The following OPCML variants were observed in gnomAD, a reference collection of about 807,000 sequenced individuals.
OPCML encodes opioid binding protein/cell adhesion molecule like.
A neutral mutation model predicts 37.8 loss-of-function variants in OPCML; 13 were observed. That is an observed-to-expected ratio of 0.34 (90% CI 0.22 to 0.55). OPCML has a LOEUF of 0.55. Among genes scored for constraint, OPCML ranks in the 20% least tolerant of loss-of-function variants. The pLI is 0.91. For synonymous variants in OPCML, 176 were observed against 168.8 expected, an observed-to-expected ratio of 1.04 and a Z score of -0.33; for missense variants, 341 against 435.6, an observed-to-expected ratio of 0.78 and a Z score of 1.93.
chr11:132,670,686 G>A (rs184161248), intron 2 of OPCML, among the ~76,000 whole-genome samples: 25 of 151,876 alleles, frequency 1.6e-4, no homozygotes, highest in African/African-American at 5.8e-4. Context: ...AATAATATTT[G>A]TAAAAAAAAC....
intron 1 of OPCML, among the ~76,000 whole-genome samples, chr11:133,349,936 A>G (rs560037634): frequency 6.6e-6 from 1 of 152,280 alleles, no homozygotes; most frequent in Non-Finnish European, 1.5e-5. Flanking sequence ...TCATTGAAAC[A>G]CTAGTGGACT....
intron 2 of OPCML, among the ~76,000 whole-genome samples, chr11:132,845,278 C>A (rs1049996142): frequency 5.3e-5 from 8 of 152,068 alleles, no homozygotes; most frequent in African/African-American, 1.9e-4. Context: ...GTAGAACAGC[C>A]CTGCATTGCC....
At chr11:132,949,134 C>T (rs1945805772) in intron 1 of OPCML, among the ~76,000 whole-genome samples, 1 of 152,184 alleles carries the variant, frequency 6.6e-6, no homozygotes, top group Non-Finnish European at 1.5e-5. Flanking sequence ...CAACTTGAAA[C>T]TGACAGGTAG....
In OPCML at chr11:133,274,925, G is replaced by A. The variant is rs569809606; in HGVS notation, c.61+257339C>T. 1.3e-3 allele frequency among the ~76,000 whole-genome samples: 199 copies of A among 152,298 alleles called. 1 individual carries two copies. Among genetic ancestry groups the A allele is most frequent in the African/African-American group, 4.5e-3 (189 of 41,562 alleles). ...CCGTTTCTCAGGAATCCCGGGTGTC[G>A]TTTATATTAATTTGCCTTTGGGACT... On this transcript the variant is annotated intron_variant, in intron 1 of 7. Transcript: ENST00000524381.
chr11:133,476,342 G>C (rs549735336), intron 1 of OPCML, among the ~76,000 whole-genome samples: 2 of 151,792 alleles, frequency 1.3e-5, no homozygotes, highest in South Asian at 4.2e-4. Flanking sequence ...TAAAGAGAGA[G>C]AAGAAACACC....
intron 1 of OPCML, among the ~76,000 whole-genome samples, chr11:132,951,971 A>G (rs1306958790): frequency 2.0e-5 from 3 of 152,250 alleles, no homozygotes; most frequent in Non-Finnish European, 2.9e-5. Flanking sequence ...CATTTATCTA[A>G]TAAAATTTGT....
In OPCML at chr11:133,248,919, C is replaced by T. The variant is rs150628602; in HGVS notation, c.61+283345G>A. On this transcript the variant is annotated intron_variant, in intron 1 of 7. Coordinates refer to ENST00000524381, the MANE Select transcript of OPCML (RefSeq NM_001012393.5). Reference sequence around the variant, plus strand: ...AATGTCTTTGGAATTCAGGAGAAATCGTGAGATTAAAGTGATCTGTGTCAT... The same window carrying T: ...AATGTCTTTGGAATTCAGGAGAAATTGTGAGATTAAAGTGATCTGTGTCAT... 1.1e-4 allele frequency among the ~76,000 whole-genome samples: 17 copies of T among 152,208 alleles called. No individual in the cohort carries two copies. The East Asian group carries it at 2.5e-3, about 23-fold the overall frequency.
At chr11:133,314,543 G>C (rs1943156427) in intron 1 of OPCML, among the ~76,000 whole-genome samples, 1 of 141,138 alleles carries the variant, frequency 7.1e-6, no homozygotes, top group Non-Finnish European at 1.5e-5. Flanking sequence ...TTTCCATGCT[G>C]CCTTCCATAA....
At chr11:132,688,956 CAAAAAAAAAAAAAAAA>C (rs749705629) in intron 2 of OPCML, among the ~76,000 whole-genome samples, 1 of 14,446 alleles carries the variant, frequency 6.9e-5, no homozygotes, top group African/African-American at 2.6e-4. Flanking sequence ...GACTCCGTCT[CAAAAAAAAAAAAAAAA>C]AAAAAAAAAA....
In OPCML at chr11:133,477,200, C is replaced by G. The variant is rs560315045; in HGVS notation, c.61+55064G>C. Among the ~76,000 whole-genome samples, 817 of 152,314 alleles carry G rather than the reference C, an allele frequency of 5.4e-3. 12 individuals carry two copies. Among genetic ancestry groups the G allele is most frequent in the African/African-American group, 0.019 (785 of 41,574 alleles). On this transcript the variant is annotated intron_variant, in intron 1 of 7. Coordinates refer to ENST00000524381, the MANE Select transcript of OPCML (RefSeq NM_001012393.5). ...TTTTCTGTTCGCCCTCTTCTGCCTT[C>G]AGCACACGAAGAGTAGCCATCGCTC...
At chr11:133,022,202 C>T (rs1029317515) in intron 1 of OPCML, among the ~76,000 whole-genome samples, 4 of 152,054 alleles carry the variant, frequency 2.6e-5, no homozygotes, top group African/African-American at 7.2e-5. Flanking sequence ...CAGAAGATGT[C>T]CAAATGATGA....
chr11:132,896,699 A>C (rs749455489), intron 2 of OPCML, among the ~76,000 whole-genome samples: 11 of 152,200 alleles, frequency 7.2e-5, no homozygotes, highest in Non-Finnish European at 1.6e-4. Context: ...ATAAGATTTC[A>C]TACTGTTCTA....
chr11:132,507,431 C>G (rs1254768071), intron 4 of OPCML, among the ~76,000 whole-genome samples: 1 of 151,774 alleles, frequency 6.6e-6, no homozygotes, highest in Non-Finnish European at 1.5e-5. Context: ...TAGGTATATT[C>G]AATTACATAT....
At chr11:133,353,019 C>T (rs1944176473) in intron 1 of OPCML, among the ~76,000 whole-genome samples, 1 of 152,156 alleles carries the variant, frequency 6.6e-6, no homozygotes, top group South Asian at 2.1e-4. Flanking sequence ...CAATAAATGT[C>T]GCAGTTATAG....
At chr11:133,075,360 C>A (rs923202486) in intron 1 of OPCML, among the ~76,000 whole-genome samples, 2 of 152,230 alleles carry the variant, frequency 1.3e-5, no homozygotes, top group South Asian at 4.1e-4. Flanking sequence ...TCAGAGGCTT[C>A]TCCTCAATGA....
intron 2 of OPCML, among the ~76,000 whole-genome samples, chr11:132,802,619 A>C (rs1034535773): frequency 7.2e-5 from 3 of 41,814 alleles, no homozygotes; most frequent in African/African-American, 2.7e-4. Context: ...AGAAATATGC[A>C]AAAAAAATTA....
At chr11:133,058,539 C>T (rs147067462) in intron 1 of OPCML, among the ~76,000 whole-genome samples, 146 of 152,194 alleles carry the variant, frequency 9.6e-4, no homozygotes, top group African/African-American at 3.3e-3. Flanking sequence ...TCCCTGTGTC[C>T]ACTTCTGTTT....
chr11:133,121,336 T>C (rs545025748), intron 1 of OPCML, among the ~76,000 whole-genome samples: 1 of 152,366 alleles, frequency 6.6e-6, no homozygotes, highest in African/African-American at 2.4e-5. Flanking sequence ...ATTTCTACTC[T>C]GTCAGTCATC....
intron 2 of OPCML, among the ~76,000 whole-genome samples, chr11:132,788,452 C>T (rs1021030599): frequency 6.6e-6 from 1 of 152,184 alleles, no homozygotes; most frequent in African/African-American, 2.4e-5. Context: ...AAGGATAACA[C>T]AATCTCTCTC....
Sources: gnomAD v4.1 joint callset for allele counts (sites outside exome capture counted in the v4.1 genomes callset) on GRCh38, gnomAD v4.1.1 for gene constraint, MANE v1.5 for transcripts, NCBI Gene and HGNC (gene_info 2026-07-23, HGNC 2026-07-21) for gene names.